Variants in GABRB1 observed in about 807,000 individuals in gnomAD.
The protein encoded by GABRB1 is gamma-aminobutyric acid receptor subunit beta-1.
Under a neutral mutation model 51.6 loss-of-function variants are expected in GABRB1, and 17 were observed. The observed-to-expected ratio is 0.33, with a 90% CI of 0.23 to 0.49. GABRB1 has a LOEUF of 0.49. Ranked by LOEUF, GABRB1 falls within the 20% of genes least tolerant of loss-of-function variation. The probability of loss-of-function intolerance (pLI) is 0.99; values close to 1 mark genes in which losing one functional copy is unlikely to be tolerated. For missense variants in GABRB1, 410 were observed against 600.6 expected (o/e 0.68, Z 3.32); for synonymous variants, 247 against 218.9 (o/e 1.13, Z -1.14).
intron 4 of GABRB1, among the ~76,000 whole-genome samples, chr4:47,275,005 G>A (rs1723025995): frequency 6.6e-6 from 1 of 152,142 alleles, no homozygotes; most frequent in Non-Finnish European, 1.5e-5. Flanking sequence ...TTGAAATAAA[G>A]CCTTTGCAAA....
At chr4:47,063,817 T>A (rs1430484933) in intron 3 of GABRB1, among the ~76,000 whole-genome samples, 10 of 152,028 alleles carry the variant, frequency 6.6e-5, no homozygotes, top group Non-Finnish European at 1.2e-4. Context: ...CCCTCACTTA[T>A]AAGTGGGAGC....
chr4:47,020,025 A>G (rs567756641), intron 1 of GABRB1, among the ~76,000 whole-genome samples: 161 of 151,958 alleles, frequency 1.1e-3, no homozygotes, highest in Non-Finnish European at 2.0e-3. Context: ...GACTCAAGCA[A>G]TCTACCCGCC....
At position 47,278,804 on chromosome 4, in the gene GABRB1, G is replaced by A. The variant is rs555501919; in HGVS notation, c.462-41323G>A. ...TCTGGCTACTGGATATTTCATCATA[G>A]TTTTTAGAGCCAAGTGCTTCACCAG... is the stretch of plus-strand genomic sequence containing the variant. On this transcript the variant is annotated intron_variant, in intron 4 of 8. Coordinates refer to ENST00000295454, the MANE Select transcript of GABRB1 (RefSeq NM_000812.4). 3.3e-5 allele frequency among the ~76,000 whole-genome samples: 5 copies of A among 152,250 alleles called. No individual in the cohort carries two copies. The South Asian group carries it at 6.2e-4, about 19-fold the overall frequency.
chr4:47,242,138 T>C (rs1175646045), intron 4 of GABRB1, among the ~76,000 whole-genome samples: 1 of 152,106 alleles, frequency 6.6e-6, no homozygotes, highest in Non-Finnish European at 1.5e-5. Flanking sequence ...CATGCGGTGT[T>C]TGGTTATCTG....
chr4:47,409,250 C>A (rs1259871265), intron 8 of GABRB1, among the ~76,000 whole-genome samples: 1 of 152,166 alleles, frequency 6.6e-6, no homozygotes, highest in African/African-American at 2.4e-5. Context: ...TGTTAACCAG[C>A]TCAGTGCCTT....
chr4:47,023,699 G>T (rs925615157), intron 1 of GABRB1, among the ~76,000 whole-genome samples: 2 of 151,898 alleles, frequency 1.3e-5, no homozygotes, highest in Non-Finnish European at 2.9e-5. Context: ...ATAAATGTGG[G>T]ATTTCACATG....
intron 4 of GABRB1, among the ~76,000 whole-genome samples, chr4:47,194,682 T>C (rs1319501057): frequency 1.3e-5 from 2 of 152,238 alleles, no homozygotes; most frequent in Non-Finnish European, 2.9e-5. Flanking sequence ...TGAAGTATTT[T>C]ATTGAAGATC....
At chr4:47,101,427 A>C (rs1371720243) in intron 3 of GABRB1, among the ~76,000 whole-genome samples, 4 of 152,038 alleles carry the variant, frequency 2.6e-5, no homozygotes, top group Non-Finnish European at 5.9e-5. Flanking sequence ...TTTATTTAGA[A>C]GTTGACATTA....
intron 5 of GABRB1, among the ~76,000 whole-genome samples, chr4:47,343,089 G>A (rs776094767): frequency 4.0e-5 from 6 of 151,592 alleles, no homozygotes; most frequent in Non-Finnish European, 5.9e-5. Flanking sequence ...ACTGAATCCT[G>A]TTTAATATGC....
At chr4:47,186,994 A>T (rs1031508238) in intron 4 of GABRB1, among the ~76,000 whole-genome samples, 1 of 151,908 alleles carries the variant, frequency 6.6e-6, no homozygotes, top group Non-Finnish European at 1.5e-5. Context: ...TGAAGAAATA[A>T]AGGCCAGAGA....
chr4:47,125,255 C>T (rs1297705388), intron 3 of GABRB1, among the ~76,000 whole-genome samples: 3 of 152,100 alleles, frequency 2.0e-5, no homozygotes, highest in Admixed American at 6.6e-5. Context: ...TGGATCTTCT[C>T]AGACAAATAA....
chr4:47,238,456 G>A (rs1721405890), intron 4 of GABRB1, among the ~76,000 whole-genome samples: 1 of 152,024 alleles, frequency 6.6e-6, no homozygotes, highest in South Asian at 2.1e-4. Context: ...TTTTAAAGAT[G>A]CTTTTTAAGT....
intron 5 of GABRB1, among the ~76,000 whole-genome samples, chr4:47,355,737 A>G (rs1726543259): frequency 6.6e-6 from 1 of 152,186 alleles, no homozygotes; most frequent in Non-Finnish European, 1.5e-5. Context: ...GCGCAGATAT[A>G]TCAAGGGCCC....
At chr4:46,996,513 G>GT (rs1724002667) in intron 1 of GABRB1, among the ~76,000 whole-genome samples, 1 of 152,168 alleles carries the variant, frequency 6.6e-6, no homozygotes, top group African/African-American at 2.4e-5. Flanking sequence ...TTGTGTTTAT[G>GT]TAAGTATGTG....
rs995287917 is a variant in GABRB1 at position 47,235,251 on chromosome 4, T to C, written c.461+73782T>C. Among the ~76,000 whole-genome samples the C allele has an allele frequency of 7.2e-5, 11 of 152,210 alleles. 1 individual carries two copies. The highest frequency in any genetic ancestry group is 5.9e-4 in the Admixed American group (9 of 15,276). On this transcript the variant is annotated intron_variant, in intron 4 of 8. Coordinates refer to ENST00000295454, the MANE Select transcript of GABRB1 (RefSeq NM_000812.4). ...TGCAAAACCCTCCATTGTGCCTTAG[T>C]GACTATAAAAATCTAGGTTCCCAGG...
At chr4:47,274,415 T>A (rs1316205162) in intron 4 of GABRB1, among the ~76,000 whole-genome samples, 3 of 152,150 alleles carry the variant, frequency 2.0e-5, no homozygotes, top group Non-Finnish European at 2.9e-5. Context: ...CCCTCTGGAA[T>A]CTCACAATTA....
chr4:47,362,863 C>G (rs189859850), intron 5 of GABRB1, among the ~76,000 whole-genome samples: 1 of 152,188 alleles, frequency 6.6e-6, no homozygotes, highest in East Asian at 1.9e-4. Flanking sequence ...GACACAATTC[C>G]TAACCTCAAG....
chr4:47,135,372 G>T (rs1237654488), intron 3 of GABRB1, among the ~76,000 whole-genome samples: 1 of 152,028 alleles, frequency 6.6e-6, no homozygotes. Context: ...TCATGCAGAT[G>T]AAGCTATGGC....
chr4:47,303,634 C>CA (rs1357883785), intron 4 of GABRB1, among the ~76,000 whole-genome samples: 1 of 151,828 alleles, frequency 6.6e-6, no homozygotes, highest in Non-Finnish European at 1.5e-5. Flanking sequence ...TTTTAACTGA[C>CA]AAAAATTGTT....
Sources: gnomAD v4.1 joint callset for allele counts (sites outside exome capture counted in the v4.1 genomes callset) on GRCh38, gnomAD v4.1.1 for gene constraint, MANE v1.5 for transcripts, NCBI Gene and HGNC (gene_info 2026-07-23, HGNC 2026-07-21) for gene names.